The following AP1M2 variants were observed in gnomAD, a reference collection of about 807,000 sequenced individuals.
The protein encoded by AP1M2 is adaptor related protein complex 1 subunit mu 2, also known as AP-1 complex subunit mu-2.
Under a neutral mutation model 54.6 loss-of-function variants are expected in AP1M2, and 41 were observed. The ratio of observed to expected loss-of-function variants is 0.75; its 90% confidence interval spans 0.59 to 0.97. AP1M2 has a LOEUF of 0.97. Ranked by LOEUF, AP1M2 falls within the 50% of genes least tolerant of loss-of-function variation. AP1M2 has a pLI of 0.00. For synonymous variants in AP1M2, 219 were observed against 215.9 expected (o/e 1.01, Z -0.13); for missense variants, 507 against 561.2 (o/e 0.90, Z 0.98).
At position 10,587,208 on chromosome 19, in the gene AP1M2, A is replaced by C. The variant is rs1195638687; in HGVS notation, c.24T>G (p.Ile8Met). The change falls in exon 1 of 12, where the codon ATT (isoleucine) becomes ATG (methionine). Residue 8 changes from isoleucine (I) to methionine (M), a missense_variant. By Grantham distance (10) the Ile-to-Met change is conservative. Coordinates refer to ENST00000250244, the MANE Select transcript of AP1M2 (RefSeq NM_005498.5). MSASAVF[I>M]LDVKGKPLIS... ...GCCTCACCTTGCCCTTAACGTCCAG[A>C]ATGAAGACAGCCGAGGCGGACATGG... 1.3e-6 allele frequency: 2 copies of C among 1,561,706 alleles called. No individual in the cohort carries two copies. The highest frequency in any genetic ancestry group is 2.7e-5 in the African/African-American group (2 of 73,346).
In AP1M2 at chr19:10,575,039, C is replaced by A. The variant is rs545243621; in HGVS notation, c.1048-10G>T. The A allele has an allele frequency of 2.0e-6, 3 of 1,488,992 alleles. No individual in the cohort carries two copies. The highest frequency in any genetic ancestry group is 2.7e-5 in the South Asian group (2 of 73,566). The allele number at this position is 1,488,992 out of a possible 1,614,324, so 92.2% of individuals were successfully genotyped here. On this transcript the variant is annotated splice_polypyrimidine_tract_variant and intron_variant, in intron 9 of 11. Transcript: ENST00000250244. ...AGTACTCCTTGCCCCCCTGAGGGAACATGGGGGCATCAGGTACACGAGGGT... is the reference window on the plus strand; with the variant it reads ...AGTACTCCTTGCCCCCCTGAGGGAAAATGGGGGCATCAGGTACACGAGGGT...
chr19:10,583,563 A>G (rs11085739), intron 3 of AP1M2, 43 bp downstream of exon 3: 342,382 of 1,455,578 alleles, frequency 0.24, 49,709 homozygotes, highest in East Asian at 0.66. Flanking sequence ...GGCAAGAGGG[A>G]TAGACGGATA....
intron 11 of AP1M2, 176 bp downstream of exon 11, chr19:10,574,240 GA>G: frequency 1.9e-6 from 1 of 530,998 alleles, no homozygotes; most frequent in Non-Finnish European, 3.3e-6. Context: ...GGTTGGTCTC[GA>G]ACTCCCGGCC....
intron 11 of AP1M2, among the ~76,000 whole-genome samples, chr19:10,573,938 G>A (rs1443654029): frequency 6.6e-6 from 1 of 151,604 alleles, no homozygotes; most frequent in Non-Finnish European, 1.5e-5. Context: ...TGGAATTACA[G>A]ATGTGAGCCA....
At chr19:10,583,150 G>A (rs533689382) in intron 3 of AP1M2, among the ~76,000 whole-genome samples, 1 of 150,978 alleles carries the variant, frequency 6.6e-6, no homozygotes, top group Admixed American at 6.6e-5. Flanking sequence ...TTTAAGCACA[G>A]AGACAAGAAG....
At chr19:10,573,335 C>T (rs1427643355) in intron 11 of AP1M2, among the ~76,000 whole-genome samples, 2 of 151,986 alleles carry the variant, frequency 1.3e-5, no homozygotes, top group African/African-American at 4.8e-5. Flanking sequence ...AGAAGAATTG[C>T]TTGAACCCAG....
Position 10,574,489 on chromosome 19 carries a change from G to A in AP1M2, c.1177C>T (p.Arg393Ter), listed in dbSNP as rs748277918. 21 of 1,562,106 alleles carry A rather than the reference G, an allele frequency of 1.3e-5. No individual in the cohort carries two copies. Among genetic ancestry groups the A allele is most frequent in the East Asian group, 7.1e-5 (3 of 42,142 alleles). The change falls in exon 11 of 12, where the codon CGA becomes TGA. Residue 393 changes from arginine to a stop codon, truncating the protein, a stop_gained. Coordinates refer to ENST00000250244, the MANE Select transcript of AP1M2 (RefSeq NM_005498.5). LOFTEE classifies it high-confidence loss of function. The stretch of plus-strand genomic sequence containing the variant: ...CTTTTCTCAATGATCTTCATGTATC[G>A]GACCTGGAAGGGAATGAAAAGAGGT... Reference protein sequence around the residue: ...PYFTVSGIQVRYMKIIEKSGY... With the variant: ...PYFTVSGIQV
chr19:10,586,553 C>T (rs781368170), intron 1 of AP1M2, among the ~76,000 whole-genome samples: 2 of 150,788 alleles, frequency 1.3e-5, no homozygotes, highest in African/African-American at 2.4e-5. Flanking sequence ...GGCAACATAG[C>T]GGGATCCCTC....
Position 10,572,950 on chromosome 19 carries a change from C to G in AP1M2, c.*116G>C, listed in dbSNP as rs1029815058. On this transcript the variant is annotated 3_prime_UTR_variant, in exon 12 of 12. Coordinates refer to ENST00000250244, the MANE Select transcript of AP1M2 (RefSeq NM_005498.5). ...GCGGGTGCTGGGAGCAAGAAACTGC[C>G]AAGTCCAGGACCTGCCCTCACACAG... The G allele has an allele frequency of 8.9e-7, 1 of 1,119,420 alleles. No individual in the cohort carries two copies. The highest frequency in any genetic ancestry group is 2.6e-5 in the East Asian group (1 of 38,332). 69.3% of individuals were successfully genotyped at this position (1,119,420 alleles called of 1,614,324 possible). A position where few individuals can be genotyped will look rare whatever the true frequency, so the allele number is the denominator to read the frequency against.
intron 3 of AP1M2, among the ~76,000 whole-genome samples, chr19:10,582,158 C>T (rs1917488138): frequency 6.6e-6 from 1 of 152,136 alleles, no homozygotes; most frequent in South Asian, 2.1e-4. Context: ...ATTCTCCTGC[C>T]TCAGCCTTCT....
At chr19:10,574,235 G>T in intron 11 of AP1M2, 182 bp downstream of exon 11, 1 of 529,570 alleles carries the variant, frequency 1.9e-6, no homozygotes, top group Non-Finnish European at 3.3e-6. Context: ...GGCCAGGTTG[G>T]TCTCGAACTC....
At chr19:10,586,487 G>A (rs1185956058) in intron 1 of AP1M2, among the ~76,000 whole-genome samples, 2 of 150,150 alleles carry the variant, frequency 1.3e-5, no homozygotes, top group Non-Finnish European at 3.0e-5. Flanking sequence ...AAAAATAGCC[G>A]GGCATGGAGG....
chr19:10,585,345 A>AAGAAAG (rs1917622851), intron 1 of AP1M2, among the ~76,000 whole-genome samples: 1 of 150,436 alleles, frequency 6.6e-6, no homozygotes, highest in Non-Finnish European at 1.5e-5. Flanking sequence ...GAAAGAAAGA[A>AAGAAAG]AGAAAGAAAG....
At position 10,583,928 on chromosome 19, in the gene AP1M2, T is replaced by C. The variant is rs1303819271; in HGVS notation, c.185A>G (p.His62Arg). 1 of 1,600,190 alleles carries C rather than the reference T, an allele frequency of 6.2e-7. No individual in the cohort carries two copies. The highest frequency in any genetic ancestry group is 8.5e-7 in the Non-Finnish European group (1 of 1,173,530). ...HGQVHFLWIK[H>R]SNLYLVATTS... ...GGGGTGGATACAGTAGAGGTTGCTG[T>C]GTTTGATCCATAGGAAGTGGACCTG... The change falls in exon 2 of 12, where the codon CAC becomes CGC. Residue 62 changes from histidine to arginine, a missense_variant. Coordinates refer to ENST00000250244, the MANE Select transcript of AP1M2 (RefSeq NM_005498.5).
chr19:10,576,478 G>A lies in AP1M2; in HGVS notation c.1047+720C>T, dbSNP rs570121000. On this transcript the variant is annotated intron_variant, in intron 9 of 11. Coordinates refer to ENST00000250244, the MANE Select transcript of AP1M2 (RefSeq NM_005498.5). ...GGGGTTTCACCATGTTAGCCAGGAT[G>A]GTCTCGATCTCCTGACCTCGTGATC... Among the ~76,000 whole-genome samples, 784 of 151,954 alleles carry A rather than the reference G, an allele frequency of 5.2e-3. 3 individuals carry two copies. The highest frequency in any genetic ancestry group is 0.014 in the Middle Eastern group (4 of 294).
In AP1M2 at chr19:10,572,932, C is replaced by A; in HGVS notation, c.*134G>T. The A allele has an allele frequency of 1.2e-6, 1 of 857,624 alleles. No homozygotes were observed. Among genetic ancestry groups the A allele is most frequent in the Non-Finnish European group, 1.9e-6 (1 of 536,492 alleles). The allele number at this position is 857,624 out of a possible 1,614,324, so 53.1% of individuals were successfully genotyped here. A position where few individuals can be genotyped will look rare whatever the true frequency, so the allele number is the denominator to read the frequency against. On this transcript the variant is annotated 3_prime_UTR_variant, in exon 12 of 12. Coordinates refer to ENST00000250244, the MANE Select transcript of AP1M2 (RefSeq NM_005498.5). ...GGAAGAGGTGAGGAAGGGGCGGGTG[C>A]TGGGAGCAAGAAACTGCCAAGTCCA...
In AP1M2 at chr19:10,584,017, G is replaced by A; in HGVS notation, c.96C>T (p.His32=). The A allele has an allele frequency of 1.2e-6, 2 of 1,610,646 alleles. No homozygotes were observed. The highest frequency in any genetic ancestry group is 2.2e-5 in the East Asian group (1 of 44,820). The change falls in exon 2 of 12, where the codon CAC becomes CAT. Residue 32 remains histidine (H), a synonymous_variant. Coordinates refer to ENST00000250244, the MANE Select transcript of AP1M2 (RefSeq NM_005498.5). The part of the protein sequence containing the change: ...KGDVAMSKIE[H]FMPLLVQREE... ...CCCGCTGTACCAGCAAAGGCATGAA[G>A]TGCTCAATCTTGCTCATGGCCACAT... is the stretch of plus-strand genomic sequence containing the variant.
intron 3 of AP1M2, among the ~76,000 whole-genome samples, chr19:10,583,241 GCT>G (rs1917522027): frequency 6.6e-6 from 1 of 152,054 alleles, no homozygotes; most frequent in South Asian, 2.1e-4. Flanking sequence ...TGAGCCGTAT[GCT>G]CTCTGAGACA....
intron 3 of AP1M2, among the ~76,000 whole-genome samples, chr19:10,582,953 G>A (rs779382889): frequency 8.7e-5 from 13 of 149,312 alleles, no homozygotes; most frequent in Non-Finnish European, 1.5e-4. Flanking sequence ...AACCTTCCCC[G>A]TAGCTGGGAT....
Sources: allele counts gnomAD v4.1 joint callset (sites outside exome capture counted in the v4.1 genomes callset), GRCh38; gene constraint gnomAD v4.1.1; transcripts MANE v1.5; gene names NCBI Gene and HGNC (gene_info 2026-07-23, HGNC 2026-07-21).